Variants in ZNF540 observed in about 807,000 individuals in gnomAD.
The protein encoded by ZNF540 is CTD-3064H18.6.
Under a neutral mutation model 11.8 loss-of-function variants are expected in ZNF540, and 3 were observed. The observed-to-expected ratio is 0.25, with a 90% confidence interval of 0.12 to 0.65. ZNF540 has a LOEUF of 0.65. Ranked by LOEUF, ZNF540 falls within the 30% of genes least tolerant of loss-of-function variation. ZNF540 has a pLI of 0.83. For synonymous variants in ZNF540, 247 were observed against 259.0 expected (o/e 0.95, Z 0.45); for missense variants, 709 against 793.1 (o/e 0.89, Z 1.27).
At chr19:37,574,229 A>G (rs2043167332) in intron 1 of ZNF540, among the ~76,000 whole-genome samples, 1 of 152,172 alleles carries the variant, frequency 6.6e-6, no homozygotes, top group Admixed American at 6.5e-5. Flanking sequence ...AATTATTAAA[A>G]CCGCAACGTA....
At chr19:37,564,880 T>C (rs748972572) in intron 1 of ZNF540, 47 of 1,614,076 alleles carry the variant, frequency 2.9e-5, no homozygotes, top group Non-Finnish European at 3.7e-5. Flanking sequence ...GTTCACTAAG[T>C]TGTGAGCCAT....
At chr19:37,561,566 C>T (rs1268059743) in intron 1 of ZNF540, among the ~76,000 whole-genome samples, 1 of 152,152 alleles carries the variant, frequency 6.6e-6, no homozygotes, top group Non-Finnish European at 1.5e-5. Flanking sequence ...GTCTTCTCAA[C>T]CTTTTAATTT....
chr19:37,566,384 T>C, intron 1 of ZNF540: 1 of 1,405,464 alleles, frequency 7.1e-7, no homozygotes, highest in Non-Finnish European at 9.6e-7. Context: ...TAATTCTCAT[T>C]AAGAATAGAA....
chr19:37,552,332 CACT>C (rs1436632397), intron 1 of ZNF540, among the ~76,000 whole-genome samples: 1 of 152,120 alleles, frequency 6.6e-6, no homozygotes, highest in Non-Finnish European at 1.5e-5. Flanking sequence ...TAAGTGAAAA[CACT>C]GCTGCTGCTC....
At chr19:37,596,034 A>G (rs1256717958) in intron 1 of ZNF540, among the ~76,000 whole-genome samples, 1 of 152,158 alleles carries the variant, frequency 6.6e-6, no homozygotes, top group Non-Finnish European at 1.5e-5. Context: ...TGAGGTTGTA[A>G]GAAATAATAG....
In ZNF540 at chr19:37,613,036, AAGGCCTTT is replaced by A; in HGVS notation, c.1759_1766del (p.Ala587SerfsTer2). ...ACCATACAAATGTAAAGAATGTGGG[AAGGCCTTT>A]AGTCGTAGTGTAGACCTTAGAATAC... On this transcript the variant is annotated frameshift_variant, in exon 5 of 5. Coordinates refer to ENST00000316433, the MANE Select transcript of ZNF540 (RefSeq NM_001172225.3). LOFTEE classifies it low-confidence loss of function (END_TRUNC). The A allele has an allele frequency of 1.2e-6, 2 of 1,614,160 alleles. No individual in the cohort carries two copies. The highest frequency in any genetic ancestry group is 1.7e-6 in the Non-Finnish European group (2 of 1,179,998).
Position 37,569,349 on chromosome 19 carries a change from T to C in ZNF540, c.-73+17684T>C, listed in dbSNP as rs1189831194. Among the ~76,000 whole-genome samples, 1 of 152,144 alleles carries C rather than the reference T, an allele frequency of 6.6e-6. No individual in the cohort carries two copies. Among genetic ancestry groups the C allele is most frequent in the Non-Finnish European group, 1.5e-5 (1 of 68,028 alleles). ...GGCAGATAGAATGGAATAGTAAATA[T>C]GAAAATCACATTATGTCACCATCTT... On this transcript the variant is annotated intron_variant, in intron 1 of 4. Transcript: ENST00000592533. The surrounding 1 kb of genome is among the most constrained non-coding windows in gnomAD (Gnocchi z 4.4).
Position 37,565,169 on chromosome 19 carries a change from T to G in ZNF540, c.-73+13504T>G, listed in dbSNP as rs1311402395. The G allele has an allele frequency of 1.2e-6, 2 of 1,613,418 alleles. No individual in the cohort carries two copies. Among genetic ancestry groups the G allele is most frequent in the Admixed American group, 3.3e-5 (2 of 59,916 alleles). ...AAAGGCCTTTCCACATTCCTTACAT[T>G]TGTAGGGCTTCTCTCCGGTATGAAT... On this transcript the variant is annotated intron_variant, in intron 1 of 4. Transcript: ENST00000592533.
At chr19:37,611,300 T>C in intron 4 of ZNF540, 1 of 353,940 alleles carries the variant, frequency 2.8e-6, no homozygotes, top group Non-Finnish European at 5.1e-6. Context: ...GTGCTGAGAT[T>C]ACAGGCATGA....
intron 2 of ZNF540, 74 bp downstream of exon 2, chr19:37,598,530 G>C: frequency 6.5e-7 from 1 of 1,539,470 alleles, no homozygotes; most frequent in Non-Finnish European, 9.0e-7. Context: ...CACTCTTTAT[G>C]CTGACACTTC....
intron 4 of ZNF540, among the ~76,000 whole-genome samples, chr19:37,607,929 A>G (rs2044097236): frequency 6.6e-6 from 1 of 152,324 alleles, no homozygotes; most frequent in Admixed American, 6.5e-5. Flanking sequence ...TCCCCCAGCA[A>G]TGAATGAGAG....
At chr19:37,608,474 C>T (rs555285175) in intron 4 of ZNF540, among the ~76,000 whole-genome samples, 6 of 152,092 alleles carry the variant, frequency 3.9e-5, no homozygotes, top group Non-Finnish European at 7.4e-5. Context: ...TTCTTATAGT[C>T]TTTTAAAATT....
intron 1 of ZNF540, among the ~76,000 whole-genome samples, chr19:37,581,037 G>A (rs2043437734): frequency 6.6e-6 from 1 of 152,026 alleles, no homozygotes; most frequent in East Asian, 1.9e-4. Context: ...AATAATTCTA[G>A]CATTATTTAC....
At position 37,613,482 on chromosome 19, in the gene ZNF540, T is replaced by C. The variant is rs1280536576; in HGVS notation, c.*219T>C. Reference sequence around the variant, plus strand: ...GGAAAAGTGTTCTAGCAACAGCATATACTTATCATCATTGCCTTTCCACTA... The same window carrying C: ...GGAAAAGTGTTCTAGCAACAGCATACACTTATCATCATTGCCTTTCCACTA... On this transcript the variant is annotated 3_prime_UTR_variant, in exon 5 of 5. Coordinates refer to ENST00000316433, the MANE Select transcript of ZNF540 (RefSeq NM_001172225.3). 3 of 426,518 alleles carry C rather than the reference T, an allele frequency of 7.0e-6. No homozygotes were observed. Among genetic ancestry groups the C allele is most frequent in the Non-Finnish European group, 1.2e-5 (3 of 243,162 alleles). The allele number at this position is 426,518 out of a possible 1,614,324, so 26.4% of individuals were successfully genotyped here.
At chr19:37,572,818 TTA>T (rs2043110716) in intron 1 of ZNF540, among the ~76,000 whole-genome samples, 1 of 152,216 alleles carries the variant, frequency 6.6e-6, no homozygotes, top group Admixed American at 6.5e-5. Flanking sequence ...TTTTTACCAA[TTA>T]CTATAACTAT....
At chr19:37,599,889 G>A in intron 3 of ZNF540, 137 bp downstream of exon 3, 1 of 970,406 alleles carries the variant, frequency 1.0e-6, no homozygotes, top group African/African-American at 1.7e-5. Context: ...GAACTTTGAT[G>A]GTTTGTGAAT....
Position 37,613,552 on chromosome 19 carries a change from A to G in ZNF540, c.*289A>G, listed in dbSNP as rs551037063. 2.5e-6 allele frequency: 1 copy of G among 394,830 alleles called. No individual in the cohort carries two copies. Among genetic ancestry groups the G allele is most frequent in the South Asian group, 1.2e-4 (1 of 8,146 alleles). 24.5% of individuals were successfully genotyped at this position (394,830 alleles called of 1,614,324 possible). A position where few individuals can be genotyped will look rare whatever the true frequency, so the allele number is the denominator to read the frequency against. ...TTAGACAAAATATTTGCTTCTTGGT[A>G]CCTCAGCTGTAAAATGAAACACACC... On this transcript the variant is annotated 3_prime_UTR_variant, in exon 5 of 5. Coordinates refer to ENST00000316433, the MANE Select transcript of ZNF540 (RefSeq NM_001172225.3).
intron 1 of ZNF540, among the ~76,000 whole-genome samples, chr19:37,587,747 A>G (rs1298718562): frequency 6.6e-6 from 1 of 152,160 alleles, no homozygotes; most frequent in Non-Finnish European, 1.5e-5. Flanking sequence ...TTGAAGCACC[A>G]TAAGCCATTG....
chr19:37,573,347 C>T (rs937918105), intron 1 of ZNF540, among the ~76,000 whole-genome samples: 4 of 152,112 alleles, frequency 2.6e-5, no homozygotes, highest in Non-Finnish European at 5.9e-5. Flanking sequence ...CACACTCAAC[C>T]CCAACCCTGA....
Sources: gnomAD v4.1 joint callset for allele counts (sites outside exome capture counted in the v4.1 genomes callset) on GRCh38, gnomAD v4.1.1 for gene constraint, Gnocchi (gnomAD v3.1) non-coding constraint, MANE v1.5 for transcripts, NCBI Gene and HGNC (gene_info 2026-07-23, HGNC 2026-07-21) for gene names.